Variants in PEX14 observed in about 807,000 individuals in gnomAD.
The protein encoded by PEX14 is peroxisomal membrane protein PEX14.
PEX14 carries 15 observed loss-of-function variants against 49.5 expected under a neutral mutation model. That is an observed-to-expected ratio of 0.30 (90% CI 0.20 to 0.47). The LOEUF (loss-of-function observed/expected upper bound fraction) is 0.47, where lower values mean the gene tolerates loss of function less well. Ranked by LOEUF, PEX14 falls within the 20% of genes least tolerant of loss-of-function variation. The probability of loss-of-function intolerance (pLI) is 1.00; values close to 1 mark genes in which losing one functional copy is unlikely to be tolerated. For synonymous variants in PEX14, 210 were observed against 212.7 expected (o/e 0.99, Z 0.11); for missense variants, 398 against 494.8 (o/e 0.80, Z 1.86).
chr1:10,493,498 G>A (rs1469505134), intron 1 of PEX14, among the ~76,000 whole-genome samples: 1 of 152,124 alleles, frequency 6.6e-6, no homozygotes, highest in East Asian at 1.9e-4. Flanking sequence ...TGTGATCATG[G>A]TGTACTGCAG....
chr1:10,589,858 C>T (rs1262089958), intron 3 of PEX14, among the ~76,000 whole-genome samples: 1 of 152,244 alleles, frequency 6.6e-6, no homozygotes, highest in East Asian at 1.9e-4. Flanking sequence ...ACAGCACCCT[C>T]ACTGGCATTG....
chr1:10,626,579 GC>G lies in PEX14; in HGVS notation c.586-691del, dbSNP rs370979153. ...GCCCACAGCACACTGGTAGGGAACAGCCAGGGAACGTCCCCTCTGCCCACCT... is the reference window on the plus strand; with the variant it reads ...GCCCACAGCACACTGGTAGGGAACAGCAGGGAACGTCCCCTCTGCCCACCT... On this transcript the variant is annotated intron_variant, in intron 7 of 8. Coordinates refer to ENST00000356607, the MANE Select transcript of PEX14 (RefSeq NM_004565.3). Among the ~76,000 whole-genome samples the G allele has an allele frequency of 1.8e-4, 27 of 152,384 alleles. No homozygotes were observed. In the East Asian group the frequency reaches 4.2e-3, roughly 24 times the overall value.
chr1:10,490,556 A>G (rs1641453999), intron 1 of PEX14, among the ~76,000 whole-genome samples: 1 of 151,712 alleles, frequency 6.6e-6, no homozygotes, highest in Admixed American at 6.6e-5. Context: ...TCTTTGCCTG[A>G]CTTGTTTTTT....
At chr1:10,541,785 C>G (rs760694135) in intron 3 of PEX14, among the ~76,000 whole-genome samples, 1 of 152,206 alleles carries the variant, frequency 6.6e-6, no homozygotes, top group Admixed American at 6.5e-5. Context: ...ACGAGACCTA[C>G]GGCAGCTAGG....
intron 3 of PEX14, among the ~76,000 whole-genome samples, chr1:10,594,462 C>T (rs1041266067): frequency 1.3e-5 from 2 of 152,236 alleles, no homozygotes; most frequent in East Asian, 1.9e-4. Context: ...TCACTGGCCC[C>T]CTGGCCCTGT....
intron 2 of PEX14, among the ~76,000 whole-genome samples, chr1:10,508,919 T>C (rs901084494): frequency 2.0e-5 from 3 of 151,152 alleles, no homozygotes; most frequent in African/African-American, 7.3e-5. Context: ...AGAGTGGCAT[T>C]CCTGAAAGAC....
At chr1:10,622,994 C>T (rs766968050) in intron 5 of PEX14, 25 bp from the exon 6 acceptor site, 9 of 1,522,878 alleles carry the variant, frequency 5.9e-6, no homozygotes, top group Non-Finnish European at 5.5e-6. Flanking sequence ...CGTATGCATT[C>T]CTCACCCTGT....
rs554146142 is a variant in PEX14, at chr1:10,623,266, G to A, written c.487+145G>A. ...GAATCTGTTCACATTTGCAAATGAA[G>A]CCGCCGTCATTTCGGTTTAATTTGA... On this transcript the variant is annotated intron_variant, in intron 6 of 8. Coordinates refer to ENST00000356607, the MANE Select transcript of PEX14 (RefSeq NM_004565.3). The surrounding 1 kb of genome is among the most constrained non-coding windows in gnomAD (Gnocchi z 4.4). The A allele has an allele frequency of 2.2e-4, 152 of 675,796 alleles. No individual in the cohort carries two copies. The East Asian group carries it at 3.9e-3, about 17-fold the overall frequency. The allele number at this position is 675,796 out of a possible 1,614,324, so 41.9% of individuals were successfully genotyped here. A position where few individuals can be genotyped will look rare whatever the true frequency, so the allele number is the denominator to read the frequency against.
intron 3 of PEX14, among the ~76,000 whole-genome samples, chr1:10,572,370 CAA>C (rs2124552237): frequency 6.6e-6 from 1 of 152,176 alleles, no homozygotes; most frequent in African/African-American, 2.4e-5. Context: ...TTGGATTAGG[CAA>C]AGATTTCTTA....
intron 2 of PEX14, among the ~76,000 whole-genome samples, chr1:10,507,600 G>GT (rs1242525693): frequency 2.0e-5 from 3 of 152,168 alleles, no homozygotes; most frequent in Admixed American, 2.0e-4. Flanking sequence ...AAGGTGCTAT[G>GT]CCCCTGGTAG....
At chr1:10,507,243 T>C (rs955631474) in intron 2 of PEX14, among the ~76,000 whole-genome samples, 11 of 152,272 alleles carry the variant, frequency 7.2e-5, no homozygotes, top group African/African-American at 2.7e-4. Context: ...TCCATGCTGC[T>C]GAACCTGTGC....
intron 3 of PEX14, among the ~76,000 whole-genome samples, chr1:10,579,462 T>C (rs899620058): frequency 6.6e-6 from 1 of 152,094 alleles, no homozygotes; most frequent in Non-Finnish European, 1.5e-5. Flanking sequence ...GAGGTCCCAA[T>C]CCAGACCCTA....
At position 10,613,404 on chromosome 1, in the gene PEX14, A is replaced by T. The variant is rs758195971; in HGVS notation, c.299-4928A>T. 1.3e-5 allele frequency among the ~76,000 whole-genome samples: 2 copies of T among 152,140 alleles called. No individual in the cohort carries two copies. The highest frequency in any genetic ancestry group is 2.9e-5 in the Non-Finnish European group (2 of 68,022). On this transcript the variant is annotated intron_variant, in intron 4 of 8. Coordinates refer to ENST00000356607, the MANE Select transcript of PEX14 (RefSeq NM_004565.3). This position sits in a 1 kb window ranked among gnomAD's most constrained non-coding sequence, Gnocchi z 5.0. ...CCTCCATGGAGCCGGGCAGAGCTTAAGCTAGTTCGTGGAGTCCTTGGAAGG... is the reference window on the plus strand; with the variant it reads ...CCTCCATGGAGCCGGGCAGAGCTTATGCTAGTTCGTGGAGTCCTTGGAAGG...
intron 4 of PEX14, among the ~76,000 whole-genome samples, chr1:10,608,741 T>C (rs1216534810): frequency 7.2e-6 from 1 of 138,024 alleles, no homozygotes; most frequent in East Asian, 2.2e-4. Flanking sequence ...TAAAAAAAAA[T>C]AAAAAAAAAA....
chr1:10,620,464 G>C (rs1258785127), intron 5 of PEX14, among the ~76,000 whole-genome samples: 1 of 151,820 alleles, frequency 6.6e-6, no homozygotes, highest in Admixed American at 6.6e-5. Context: ...CTCCAGCCTC[G>C]GCAACAGAAG....
Position 10,629,639 on chromosome 1 carries a change from C to T in PEX14, c.786C>T (p.Ser262=), listed in dbSNP as rs1286463670. ...SPAAVNHHSS[S]DISPVSNEST... Reference sequence around the variant, plus strand: ...CGGCCGTGAACCACCACAGCAGCAGCGACATCTCACCTGTCAGCAACGAGT... The same window carrying T: ...CGGCCGTGAACCACCACAGCAGCAGTGACATCTCACCTGTCAGCAACGAGT... Residue 262 remains serine (S), a synonymous_variant, in exon 9 of 9, where the codon AGC becomes AGT. Transcript: ENST00000356607. This position sits in a 1 kb window ranked among gnomAD's most constrained non-coding sequence, Gnocchi z 8.5. The T allele has an allele frequency of 9.3e-6, 15 of 1,613,682 alleles. No individual in the cohort carries two copies. Among genetic ancestry groups the T allele is most frequent in the South Asian group, 6.6e-5 (6 of 91,068 alleles).
chr1:10,570,390 T>C (rs1286777413), intron 3 of PEX14, among the ~76,000 whole-genome samples: 1 of 152,186 alleles, frequency 6.6e-6, no homozygotes, highest in East Asian at 1.9e-4. Context: ...TGGAGTGCAG[T>C]GGTGCGATCT....
rs760957721 is a variant in PEX14, at chr1:10,474,962, G to A, written c.-5G>A. Reference sequence around the variant, plus strand: ...GCGGCGGTTGATTAGTCAGGCCTCAGAAAGATGGCGTCCTCGGAGCAGGCA... The same window carrying A: ...GCGGCGGTTGATTAGTCAGGCCTCAAAAAGATGGCGTCCTCGGAGCAGGCA... On this transcript the variant is annotated 5_prime_UTR_variant, in exon 1 of 9. Coordinates refer to ENST00000356607, the MANE Select transcript of PEX14 (RefSeq NM_004565.3). The A allele has an allele frequency of 3.1e-6, 5 of 1,608,026 alleles. No individual in the cohort carries two copies. The highest frequency in any genetic ancestry group is 4.2e-6 in the Non-Finnish European group (5 of 1,177,500).
At chr1:10,584,089 G>C (rs1459418196) in intron 3 of PEX14, among the ~76,000 whole-genome samples, 1 of 152,234 alleles carries the variant, frequency 6.6e-6, no homozygotes, top group Non-Finnish European at 1.5e-5. Context: ...CTAGTCTAGT[G>C]TTGAGATGTG....
Sources: allele counts gnomAD v4.1 joint callset (sites outside exome capture counted in the v4.1 genomes callset), GRCh38; gene constraint gnomAD v4.1.1; non-coding constraint Gnocchi (gnomAD v3.1); transcripts MANE v1.5; gene names NCBI Gene and HGNC (gene_info 2026-07-23, HGNC 2026-07-21).